TNNI3K: variants seen among roughly 807,000 people sequenced by gnomAD.
The protein encoded by TNNI3K is TNNI3 interacting kinase.
Under a neutral mutation model 114.5 loss-of-function variants are expected in TNNI3K, and 140 were observed. The observed-to-expected ratio is 1.22, with a 90% confidence interval of 1.07 to 1.41. The LOEUF (loss-of-function observed/expected upper bound fraction) is 1.41, where lower values mean the gene tolerates loss of function less well. Ranked by LOEUF, TNNI3K falls within the 40% of genes most tolerant of loss-of-function variation. The pLI, the probability that TNNI3K is intolerant of heterozygous loss-of-function variation, is 0.00. For missense variants in TNNI3K, 1,125 were observed against 1,007.6 expected (o/e 1.12, Z -1.58); for synonymous variants, 347 against 347.5 (o/e 1.00, Z 0.02).
At chr1:74,413,174 T>A (rs1192609251) in intron 17 of TNNI3K, among the ~76,000 whole-genome samples, 1 of 152,200 alleles carries the variant, frequency 6.6e-6, no homozygotes, top group African/African-American at 2.4e-5. Flanking sequence ...GTTTCCCATG[T>A]GCTGGACACT....
chr1:74,241,174 G>T (rs1474384879), intron 2 of TNNI3K, among the ~76,000 whole-genome samples: 1 of 152,142 alleles, frequency 6.6e-6, no homozygotes, highest in Non-Finnish European at 1.5e-5. Context: ...GTCTATCATT[G>T]TTGGACATTT....
chr1:74,282,946 T>G (rs899641499), intron 5 of TNNI3K, among the ~76,000 whole-genome samples: 1 of 152,168 alleles, frequency 6.6e-6, no homozygotes, highest in African/African-American at 2.4e-5. Context: ...CCGATGCACA[T>G]CATTATAAAT....
chr1:74,367,353 T>A lies in TNNI3K; in HGVS notation c.1264+11T>A. 1 of 1,611,024 alleles carries A rather than the reference T, an allele frequency of 6.2e-7. No homozygotes were observed. The highest frequency in any genetic ancestry group is 8.5e-7 in the Non-Finnish European group (1 of 1,178,154). On this transcript the variant is annotated intron_variant, in intron 12 of 24. Coordinates refer to ENST00000326637, the MANE Select transcript of TNNI3K (RefSeq NM_015978.3). ...CTCAGCCTGGAGGAGGTACCCCTTTTCTTATTCAGTTTTCATTATTGTATA... is the reference window on the plus strand; with the variant it reads ...CTCAGCCTGGAGGAGGTACCCCTTTACTTATTCAGTTTTCATTATTGTATA...
intron 23 of TNNI3K, among the ~76,000 whole-genome samples, chr1:74,538,518 G>A (rs1646687895): frequency 6.6e-6 from 1 of 152,146 alleles, no homozygotes; most frequent in African/African-American, 2.4e-5. Context: ...AAAGAATATG[G>A]AGGGTGTATA....
At chr1:74,520,854 A>T (rs780753787) in intron 23 of TNNI3K, among the ~76,000 whole-genome samples, 2 of 152,026 alleles carry the variant, frequency 1.3e-5, no homozygotes, top group Non-Finnish European at 2.9e-5. Context: ...TTAGATCTGG[A>T]AGGTACATAT....
intron 23 of TNNI3K, among the ~76,000 whole-genome samples, chr1:74,496,716 TA>T (rs1414795547): frequency 6.6e-6 from 1 of 152,200 alleles, no homozygotes; most frequent in Non-Finnish European, 1.5e-5. Context: ...CATAACTTGA[TA>T]AAATCTGAGA....
rs45527435 is a variant in TNNI3K, at chr1:74,271,885, A to C, written c.444+177A>C. On this transcript the variant is annotated intron_variant, in intron 5 of 24. Transcript: ENST00000326637. ...TGAGCTTTGGATAGTCAATTCAGTCAATTTTCTAACAGTGTATTTAATCAT... is the reference window on the plus strand; with the variant it reads ...TGAGCTTTGGATAGTCAATTCAGTCCATTTTCTAACAGTGTATTTAATCAT... 6.3e-3 allele frequency among the ~76,000 whole-genome samples: 954 copies of C among 152,056 alleles called. 16 individuals are homozygous for C. The highest frequency in any genetic ancestry group is 0.022 in the African/African-American group (919 of 41,524).
chr1:74,364,707 G>A (rs1039772280), intron 11 of TNNI3K, among the ~76,000 whole-genome samples: 3 of 151,740 alleles, frequency 2.0e-5, no homozygotes, highest in African/African-American at 7.3e-5. Context: ...ATGGAAAAGG[G>A]GGGCAGAAGC....
chr1:74,239,738 C>T (rs932218648), intron 2 of TNNI3K, among the ~76,000 whole-genome samples: 2 of 152,164 alleles, frequency 1.3e-5, no homozygotes, highest in African/African-American at 4.8e-5. Flanking sequence ...AGCTCGAATA[C>T]ACAATCTTCC....
Position 74,257,558 on chromosome 1 carries a change from G to A in TNNI3K, c.333+6789G>A, listed in dbSNP as rs181822499. The stretch of plus-strand genomic sequence containing the variant: ...TGTTTGTTTTTCTTTCATTTTTGGC[G>A]GGTAGTTACACTTCTGGTGGATACA... On this transcript the variant is annotated intron_variant, in intron 4 of 24. Coordinates refer to ENST00000326637, the MANE Select transcript of TNNI3K (RefSeq NM_015978.3). 1.2e-3 allele frequency among the ~76,000 whole-genome samples: 189 copies of A among 151,518 alleles called. 1 individual carries two copies. The highest frequency in any genetic ancestry group is 4.4e-3 in the African/African-American group (181 of 41,318).
intron 21 of TNNI3K, among the ~76,000 whole-genome samples, chr1:74,466,962 C>T (rs545499932): frequency 1.3e-5 from 2 of 152,138 alleles, no homozygotes; most frequent in East Asian, 1.9e-4. Context: ...TAGTTAACTG[C>T]CAAGGTTAAG....
intron 17 of TNNI3K, among the ~76,000 whole-genome samples, chr1:74,400,011 G>A (rs902688278): frequency 3.9e-5 from 6 of 152,200 alleles, no homozygotes; most frequent in African/African-American, 1.4e-4. Flanking sequence ...ATGAGGTCTA[G>A]TGGACCACCC....
chr1:74,532,518 A>G (rs945877387), intron 23 of TNNI3K, among the ~76,000 whole-genome samples: 1 of 151,564 alleles, frequency 6.6e-6, no homozygotes, highest in Non-Finnish European at 1.5e-5. Flanking sequence ...GTACATGTGC[A>G]CAATGTGCAG....
intron 17 of TNNI3K, among the ~76,000 whole-genome samples, chr1:74,398,281 A>G (rs1464448192): frequency 1.3e-5 from 2 of 152,198 alleles, no homozygotes; most frequent in Non-Finnish European, 2.9e-5. Flanking sequence ...TGGGAGGTGG[A>G]TGCTCCTTGA....
intron 17 of TNNI3K, among the ~76,000 whole-genome samples, chr1:74,418,671 T>A (rs1476191712): frequency 6.6e-6 from 1 of 151,928 alleles, no homozygotes; most frequent in Non-Finnish European, 1.5e-5. Context: ...TGATATTCTG[T>A]CCAAACTAAC....
rs1260254690 is a variant in TNNI3K at position 74,543,247 on chromosome 1, G to T, written c.2432-659G>T. On this transcript the variant is annotated intron_variant, in intron 24 of 24. Coordinates refer to ENST00000326637, the MANE Select transcript of TNNI3K (RefSeq NM_015978.3). The stretch of plus-strand genomic sequence containing the variant: ...ATGCCACCACACCCGGCTATTTTTT[G>T]TATTTTAGTAGAGATGGGGTTTCAC... Among the ~76,000 whole-genome samples the T allele has an allele frequency of 2.0e-5, 3 of 151,312 alleles. No homozygotes were observed. The East Asian group carries it at 5.8e-4, about 29-fold the overall frequency.
At chr1:74,241,396 A>G (rs1253405081) in intron 2 of TNNI3K, among the ~76,000 whole-genome samples, 11 of 152,190 alleles carry the variant, frequency 7.2e-5, no homozygotes, top group South Asian at 2.1e-4. Context: ...AGTCCCACCA[A>G]TGGTGTAAAA....
In TNNI3K at chr1:74,271,797, AC is replaced by A. The variant is rs1656369670; in HGVS notation, c.444+90del. On this transcript the variant is annotated intron_variant, in intron 5 of 24. Coordinates refer to ENST00000326637, the MANE Select transcript of TNNI3K (RefSeq NM_015978.3). ...ACTGTTTTGAAATACTGTCTTTGAGACTTTACAAGTTGGTTTATTTTTTAGC... is the reference window on the plus strand; with the variant it reads ...ACTGTTTTGAAATACTGTCTTTGAGATTTACAAGTTGGTTTATTTTTTAGC... 2.6e-6 allele frequency: 3 copies of A among 1,139,548 alleles called. No homozygotes were observed. The Admixed American group carries it at 7.3e-5, about 28-fold the overall frequency. 70.6% of individuals were successfully genotyped at this position (1,139,548 alleles called of 1,614,324 possible). A position where few individuals can be genotyped will look rare whatever the true frequency, so the allele number is the denominator to read the frequency against.
intron 17 of TNNI3K, chr1:74,375,056 G>A (rs1662837505): frequency 6.6e-6 from 1 of 152,510 alleles, no homozygotes; most frequent in African/African-American, 2.4e-5. Context: ...GAATTAAATA[G>A]TGATAACCTC....
Sources: allele counts gnomAD v4.1 joint callset (sites outside exome capture counted in the v4.1 genomes callset), GRCh38; gene constraint gnomAD v4.1.1; transcripts MANE v1.5; gene names NCBI Gene and HGNC (gene_info 2026-07-23, HGNC 2026-07-21).